PRMT8: variants seen among roughly 807,000 people sequenced by gnomAD.
The protein encoded by PRMT8 is protein arginine methyltransferase 8.
A neutral mutation model predicts 47.1 loss-of-function variants in PRMT8; 7 were observed. The observed-to-expected ratio is 0.15, with a 90% CI of 0.08 to 0.28. The LOEUF is 0.28. PRMT8 is among the 10% of genes least tolerant of loss of function. The pLI, the probability that PRMT8 is intolerant of heterozygous loss-of-function variation, is 1.00. For missense variants in PRMT8, 237 were observed against 505.4 expected (o/e 0.47, Z 5.09); for synonymous variants, 188 against 186.5 (o/e 1.01, Z -0.07).
chr12:3,405,940 T>G (rs981845555), intron 1 of PRMT8, among the ~76,000 whole-genome samples: 1 of 152,238 alleles, frequency 6.6e-6, no homozygotes, highest in Non-Finnish European at 1.5e-5. Context: ...GGACTCTGTG[T>G]GGGGGCTGCA....
chr12:3,451,234 G>T (rs1864915880), intron 1 of PRMT8, among the ~76,000 whole-genome samples: 2 of 152,106 alleles, frequency 1.3e-5, no homozygotes, highest in South Asian at 4.2e-4. Context: ...CAAGATTTCA[G>T]GCTGGAAGGG....
chr12:3,453,207 G>C lies in PRMT8; in HGVS notation c.48+71765G>C, dbSNP rs1864939417. On this transcript the variant is annotated intron_variant, in intron 1 of 9. Coordinates refer to the PRMT8 transcript ENST00000452611. This position sits in a 1 kb window ranked among gnomAD's most constrained non-coding sequence, Gnocchi z 4.9. ...GCAAGAACCATGGAAGCTGCTGAAA[G>C]GGTGCAGGGAAGCCACGGTTCCTTC... 6.6e-6 allele frequency among the ~76,000 whole-genome samples: 1 copy of C among 152,162 alleles called. No individual in the cohort carries two copies. Among genetic ancestry groups the C allele is most frequent in the African/African-American group, 2.4e-5 (1 of 41,424 alleles).
In PRMT8 at chr12:3,569,357, A is replaced by C; in HGVS notation, c.625-120A>C. 1.2e-6 allele frequency: 1 copy of C among 836,030 alleles called. No individual in the cohort carries two copies. Among genetic ancestry groups the C allele is most frequent in the Non-Finnish European group, 2.1e-6 (1 of 482,458 alleles). 51.8% of individuals were successfully genotyped at this position (836,030 alleles called of 1,614,324 possible). ...CTCACCCCAGACAAGGTGACAGTCC[A>C]CTGCATGAGAGATGGTGGCAAGGGG... On this transcript the variant is annotated intron_variant, in intron 5 of 9. Transcript: ENST00000382622. The surrounding 1 kb of genome is among the most constrained non-coding windows in gnomAD (Gnocchi z 8.2).
chr12:3,432,777 G>T (rs768398), intron 1 of PRMT8, among the ~76,000 whole-genome samples: 143,890 of 152,228 alleles, frequency 0.95, 68,188 homozygotes, highest in Non-Finnish European at 0.98. Flanking sequence ...CGTTTTGTTG[G>T]TTTTTGTTTT....
chr12:3,535,516 G>T lies in PRMT8; in HGVS notation c.76-5090G>T, dbSNP rs574432594. ...CAGCAAGTAACAGGGCCCTGGGCCTGGGCCTTTGGACGGAGGTGGGGAAAG... is the reference window on the plus strand; with the variant it reads ...CAGCAAGTAACAGGGCCCTGGGCCTTGGCCTTTGGACGGAGGTGGGGAAAG... On this transcript the variant is annotated intron_variant, in intron 1 of 9. Coordinates refer to ENST00000382622, the MANE Select transcript of PRMT8 (RefSeq NM_019854.5). The surrounding 1 kb of genome is among the most constrained non-coding windows in gnomAD (Gnocchi z 4.7). Among the ~76,000 whole-genome samples, 5 of 152,278 alleles carry T rather than the reference G, an allele frequency of 3.3e-5. No individual in the cohort carries two copies. The South Asian group carries it at 1.0e-3, about 32-fold the overall frequency.
intron 1 of PRMT8, among the ~76,000 whole-genome samples, chr12:3,438,979 C>T (rs941153826): frequency 6.6e-6 from 1 of 152,214 alleles, no homozygotes; most frequent in African/African-American, 2.4e-5. Context: ...TGTTCAAGAA[C>T]ACTGTCCACA....
intron 1 of PRMT8, among the ~76,000 whole-genome samples, chr12:3,519,137 CAGAGGGGAGCCAG>C (rs1865840107): frequency 6.6e-6 from 1 of 151,672 alleles, no homozygotes; most frequent in African/African-American, 2.4e-5. Context: ...TGCAGACGGA[CAGAGGGGAGCCAG>C]GGCCCAGCAC....
rs560352410 is a variant in PRMT8, at chr12:3,576,845, C to T, written c.713-26C>T. The T allele has an allele frequency of 2.5e-6, 4 of 1,598,758 alleles. No individual in the cohort carries two copies. The African/African-American group carries it at 4.0e-5, about 16-fold the overall frequency. On this transcript the variant is annotated intron_variant, in intron 6 of 9. Coordinates refer to ENST00000382622, the MANE Select transcript of PRMT8 (RefSeq NM_019854.5). The surrounding 1 kb of genome is among the most constrained non-coding windows in gnomAD (Gnocchi z 4.0). ...GAGCTTCTGGGGGTCCTGCGCCTGC[C>T]TTCACGTCTTGCTCTGCTCCCACAG...
intron 1 of PRMT8, among the ~76,000 whole-genome samples, chr12:3,496,214 A>ATATATATATATTTTTTTTTTTTTTTTTT: frequency 3.6e-5 from 1 of 27,756 alleles, no homozygotes; most frequent in Non-Finnish European, 7.9e-5. Flanking sequence ...ATATATATAT[A>ATATATATATATTTTTTTTTTTTTTTTTT]TTTTTTTTTT....
At chr12:3,498,568 C>A (rs540224649) in intron 1 of PRMT8, among the ~76,000 whole-genome samples, 3 of 152,272 alleles carry the variant, frequency 2.0e-5, no homozygotes, top group African/African-American at 7.2e-5. Flanking sequence ...ACCTCACTCT[C>A]CCTGCGCATC....
intron 1 of PRMT8, among the ~76,000 whole-genome samples, chr12:3,444,506 A>T (rs78822086): frequency 6.6e-6 from 1 of 152,190 alleles, no homozygotes; most frequent in Non-Finnish European, 1.5e-5. Context: ...GCAAAACCTG[A>T]CACTCTGGTC....
At position 3,436,662 on chromosome 12, in the gene PRMT8, G is replaced by A. The variant is rs1020611482; in HGVS notation, c.48+55220G>A. Among the ~76,000 whole-genome samples, 5 of 152,132 alleles carry A rather than the reference G, an allele frequency of 3.3e-5. No individual in the cohort carries two copies. The highest frequency in any genetic ancestry group is 6.5e-5 in the Admixed American group (1 of 15,274). On this transcript the variant is annotated intron_variant, in intron 1 of 9. Coordinates refer to the PRMT8 transcript ENST00000452611. This position sits in a 1 kb window ranked among gnomAD's most constrained non-coding sequence, Gnocchi z 4.2. ...GGGTGCATGGCCATAATTGGGTTAC[G>A]GGGCTGCTAATATGATTGTGCTGCC...
At chr12:3,464,100 C>T (rs914093687) in intron 1 of PRMT8, among the ~76,000 whole-genome samples, 2 of 152,072 alleles carry the variant, frequency 1.3e-5, no homozygotes, top group Admixed American at 6.5e-5. Flanking sequence ...GGATCTTTAG[C>T]GACCTTTGAG....
At chr12:3,515,375 A>G (rs557325404) in intron 1 of PRMT8, among the ~76,000 whole-genome samples, 2 of 152,214 alleles carry the variant, frequency 1.3e-5, no homozygotes, top group Non-Finnish European at 2.9e-5. Flanking sequence ...TAGAAATGCA[A>G]ATTGTCAGAG....
At chr12:3,461,986 A>G (rs1865047517) in intron 1 of PRMT8, among the ~76,000 whole-genome samples, 1 of 152,064 alleles carries the variant, frequency 6.6e-6, no homozygotes, top group South Asian at 2.1e-4. Context: ...AGATTATTTC[A>G]TCACTCAGGT....
chr12:3,431,980 A>G (rs539775847), intron 1 of PRMT8, among the ~76,000 whole-genome samples: 9 of 152,346 alleles, frequency 5.9e-5, no homozygotes, highest in African/African-American at 2.2e-4. Flanking sequence ...TTTTGCTTAA[A>G]GACAGAGGAG....
chr12:3,587,958 GC>G (rs34072536), intron 8 of PRMT8, among the ~76,000 whole-genome samples: 2 of 151,842 alleles, frequency 1.3e-5, no homozygotes, highest in Middle Eastern at 3.4e-3. Context: ...TGGGCACGGT[GC>G]CCCCCCCACC....
At chr12:3,390,306 C>A (rs1036721879) in intron 1 of PRMT8, among the ~76,000 whole-genome samples, 5 of 152,220 alleles carry the variant, frequency 3.3e-5, no homozygotes, top group Non-Finnish European at 7.3e-5. Flanking sequence ...ATTAGACCAA[C>A]GCAGTGAAAA....
At chr12:3,464,209 G>A (rs73260043) in intron 1 of PRMT8, among the ~76,000 whole-genome samples, 4,709 of 151,736 alleles carry the variant, frequency 0.031, 214 homozygotes, top group African/African-American at 0.11. Context: ...AAGCAATAAA[G>A]GAAGGGAACA....
Sources: allele counts gnomAD v4.1 joint callset (sites outside exome capture counted in the v4.1 genomes callset), GRCh38; gene constraint gnomAD v4.1.1; non-coding constraint Gnocchi (gnomAD v3.1); transcripts MANE v1.5; gene names NCBI Gene and HGNC (gene_info 2026-07-23, HGNC 2026-07-21).